MNT: variants seen among roughly 807,000 people sequenced by gnomAD.
MNT encodes the protein MAX network transcriptional repressor.
MNT carries 13 observed loss-of-function variants against 40.7 expected under a neutral mutation model. The observed-to-expected ratio is 0.32, with a 90% CI of 0.21 to 0.51. The LOEUF (loss-of-function observed/expected upper bound fraction) is 0.51, where lower values mean the gene tolerates loss of function less well. MNT is among the 20% of genes least tolerant of loss of function. MNT has a pLI of 0.98. For missense variants in MNT, 757 were observed against 792.0 expected (o/e 0.96, Z 0.53); for synonymous variants, 426 against 354.8 (o/e 1.20, Z -2.26).
At position 2,386,429 on chromosome 17, in the gene MNT, G is replaced by C. The variant is rs2066462282; in HGVS notation, c.*472C>G. ...AATCCGCAGCTTTCTGGGCCAAGTG[G>C]CTTCAGTTCTGCTTTCCCCATTTCC... On this transcript the variant is annotated 3_prime_UTR_variant, in exon 6 of 6. Transcript: ENST00000174618. 1 of 159,660 alleles carries C rather than the reference G, an allele frequency of 6.3e-6. No homozygotes were observed. 9.9% of individuals were successfully genotyped at this position (159,660 alleles called of 1,614,324 possible).
chr17:2,398,818 C>G (rs1326487323), intron 1 of MNT, among the ~76,000 whole-genome samples: 1 of 152,212 alleles, frequency 6.6e-6, no homozygotes, highest in African/African-American at 2.4e-5. Context: ...TCTCCACTGC[C>G]AGACCCTGCT....
chr17:2,387,254 G>A lies in MNT; in HGVS notation c.1396C>T (p.His466Tyr). The A allele has an allele frequency of 1.2e-6, 2 of 1,612,990 alleles. No homozygotes were observed. The highest frequency in any genetic ancestry group is 1.7e-6 in the Non-Finnish European group (2 of 1,179,618). Residue 466 changes from histidine to tyrosine, a missense_variant, in exon 6 of 6, where the codon CAC becomes TAC. By Grantham distance (83) the His-to-Tyr change is moderately conservative. Around this residue, in one of 4 missense-constraint regions of MNT, gnomAD observed 345 missense variants for 380.1 expected, o/e 0.91. Transcript: ENST00000174618. ...GCCGAGGGGGCGATGTGGGCGATGT[G>A]CTTGCCGCCTGGCCCCTGCAGAACG... is the stretch of plus-strand genomic sequence containing the variant. ...NHVLQGPGGK[H>Y]IAHIAPSAPS...
chr17:2,389,993 G>A (rs977015148), intron 4 of MNT: 1 of 151,868 alleles, frequency 6.6e-6, no homozygotes, highest in Non-Finnish European at 1.5e-5. Context: ...AGCCCCATCT[G>A]CCTGGGCAGT....
In MNT at chr17:2,388,040, T is replaced by C; in HGVS notation, c.817A>G (p.Arg273Gly). ...TALRYIQSLK[R>G]KEKEYEHEME... Reference sequence around the variant, plus strand: ...TCATGCTCATATTCCTTCTCCTTCCTCTTCAGGGACTGGCACACAGAGTAA... The same window carrying C: ...TCATGCTCATATTCCTTCTCCTTCCCCTTCAGGGACTGGCACACAGAGTAA... The change falls in exon 5 of 6, where the codon AGG becomes GGG. Residue 273 changes from arginine to glycine, a missense_variant. Physicochemically the swap from Arg to Gly is moderately radical, Grantham distance 125 (BLOSUM62 -2). Coordinates refer to ENST00000174618, the MANE Select transcript of MNT (RefSeq NM_020310.3). 1 of 1,557,820 alleles carries C rather than the reference T, an allele frequency of 6.4e-7. No homozygotes were observed. Among genetic ancestry groups the C allele is most frequent in the Non-Finnish European group, 8.7e-7 (1 of 1,149,462 alleles).
At chr17:2,400,001 G>A (rs2066603493) in intron 1 of MNT, among the ~76,000 whole-genome samples, 1 of 152,210 alleles carries the variant, frequency 6.6e-6, no homozygotes, top group Non-Finnish European at 1.5e-5. Flanking sequence ...GTCAGGCGGG[G>A]CTGGCCAGGA....
In MNT at chr17:2,387,389, G is replaced by C. The variant is rs1275645370; in HGVS notation, c.1261C>G (p.Gln421Glu). Residue 421 changes from glutamine to glutamate, a missense_variant, in exon 6 of 6, where the codon CAG (glutamine) becomes GAG (glutamate). Gln to Glu is a conservative substitution (Grantham distance 29). Coordinates refer to ENST00000174618, the MANE Select transcript of MNT (RefSeq NM_020310.3). ...TGGGCTGGAGCTGGCACCAGTGTCT[G>C]GGCAGGGGCAGCCGGTGGGGGAGGA... is the stretch of plus-strand genomic sequence containing the variant. ...APPPPPAAPAQTLVPAPAHLV... is the reference protein window; with the variant it reads ...APPPPPAAPAETLVPAPAHLV... The C allele has an allele frequency of 6.2e-7, 1 of 1,611,592 alleles. No homozygotes were observed. Among genetic ancestry groups the C allele is most frequent in the Non-Finnish European group, 8.5e-7 (1 of 1,178,968 alleles).
At chr17:2,392,908 G>GA (rs1555611686) in intron 4 of MNT, 1 of 152,280 alleles carries the variant, frequency 6.6e-6, no homozygotes, top group Non-Finnish European at 1.5e-5. Context: ...GGAGAGAGCT[G>GA]CCCCCCTGGA....
At chr17:2,390,592 C>T (rs1273136498) in intron 4 of MNT, 3 of 152,220 alleles carry the variant, frequency 2.0e-5, no homozygotes, top group African/African-American at 2.4e-5. Flanking sequence ...CCCGCCCTCC[C>T]TCTCCATGGA....
chr17:2,400,699 G>A lies in MNT; in HGVS notation c.14C>T (p.Thr5Met). 6.3e-7 allele frequency: 1 copy of A among 1,577,490 alleles called. No homozygotes were observed. Among genetic ancestry groups the A allele is most frequent in the African/African-American group, 1.4e-5 (1 of 70,994 alleles). Reference protein sequence around the residue: MSIETLLEAARFLEW... With the variant: MSIEMLLEAARFLEW... ...CAGGAAGCGGGCCGCCTCCAGTAGC[G>A]TCTCTATGCTCATCGCGCCGAGAGC... The change falls in exon 1 of 6, where the codon ACG (threonine) becomes ATG (methionine). Residue 5 changes from threonine to methionine, a missense_variant. This residue lies in a region of MNT where 335 missense variants were observed against 291.4 expected (regional missense o/e 1.15). Coordinates refer to ENST00000174618, the MANE Select transcript of MNT (RefSeq NM_020310.3).
chr17:2,397,105 C>T (rs529371946), intron 1 of MNT, among the ~76,000 whole-genome samples: 13 of 152,258 alleles, frequency 8.5e-5, no homozygotes, highest in South Asian at 6.2e-4. Flanking sequence ...TCCCAGCAGC[C>T]GGAGTTCAGG....
In MNT at chr17:2,394,277, GCACACACACACA is replaced by G. The variant is rs35367394; in HGVS notation, c.695+16_695+27del. The G allele has an allele frequency of 2.4e-5, 35 of 1,489,244 alleles. No homozygotes were observed. The Admixed American group carries it at 2.8e-4, about 12-fold the overall frequency. 92.3% of individuals were successfully genotyped at this position (1,489,244 alleles called of 1,614,324 possible). A position where few individuals can be genotyped will look rare whatever the true frequency, so the allele number is the denominator to read the frequency against. On this transcript the variant is annotated intron_variant, in intron 3 of 5. Transcript: ENST00000174618. ...CCGGGTCGCGCGCGCACGCACGCAC[GCACACACACACA>G]CACACACACACACACCTGTTCTTCT... is the stretch of plus-strand genomic sequence containing the variant.
intron 4 of MNT, 80 bp from the exon 5 acceptor site, chr17:2,388,129 C>T: frequency 4.4e-6 from 6 of 1,376,244 alleles, no homozygotes; most frequent in Non-Finnish European, 5.9e-6. Context: ...CTCTCCCTAT[C>T]AGCTGGCCCA....
In MNT at chr17:2,395,349, A is replaced by G; in HGVS notation, c.179T>C (p.Met60Thr). 6.2e-7 allele frequency: 1 copy of G among 1,612,818 alleles called. No homozygotes were observed. Among genetic ancestry groups the G allele is most frequent in the Non-Finnish European group, 8.5e-7 (1 of 1,179,698 alleles). The change falls in exon 2 of 6, where the codon ATG (methionine) becomes ACG (threonine). Residue 60 changes from methionine to threonine, a missense_variant. This residue lies in a region of MNT where 335 missense variants were observed against 291.4 expected (regional missense o/e 1.15). Coordinates refer to ENST00000174618, the MANE Select transcript of MNT (RefSeq NM_020310.3). ...AHTLPVEEPR[M>T]EAPPLPLSPP... Reference sequence around the variant, plus strand: ...AGACAGAGGCAGGGGTGGCGCCTCCATGCGGGGTTCCTCCACAGGAAGGGT... The same window carrying G: ...AGACAGAGGCAGGGGTGGCGCCTCCGTGCGGGGTTCCTCCACAGGAAGGGT...
intron 4 of MNT, among the ~76,000 whole-genome samples, chr17:2,388,593 CGCCT>C (rs2066487975): frequency 6.6e-6 from 1 of 152,062 alleles, no homozygotes; most frequent in Non-Finnish European, 1.5e-5. Flanking sequence ...CCACTGTGCC[CGCCT>C]GTGACGCTTC....
intron 4 of MNT, among the ~76,000 whole-genome samples, chr17:2,392,489 G>A (rs2066526282): frequency 6.6e-6 from 1 of 152,206 alleles, no homozygotes; most frequent in South Asian, 2.1e-4. Context: ...TCGCCATGCC[G>A]TCCTTCCTAT....
chr17:2,397,541 AT>A (rs2066586274), intron 1 of MNT, among the ~76,000 whole-genome samples: 1 of 152,048 alleles, frequency 6.6e-6, no homozygotes, highest in Non-Finnish European at 1.5e-5. Flanking sequence ...CCCATTCCCC[AT>A]ATTTTAAAGC....
chr17:2,397,180 C>T (rs2066584122), intron 1 of MNT, among the ~76,000 whole-genome samples: 3 of 152,184 alleles, frequency 2.0e-5, no homozygotes, highest in Admixed American at 2.0e-4. Flanking sequence ...CGATGCCAGG[C>T]CGGTGCAGGC....
intron 1 of MNT, among the ~76,000 whole-genome samples, chr17:2,398,854 G>T (rs914636497): frequency 6.6e-6 from 1 of 152,130 alleles, no homozygotes; most frequent in Middle Eastern, 3.2e-3. Flanking sequence ...AACAGCCGGG[G>T]AGTGTGGGCG....
Position 2,387,203 on chromosome 17 carries a change from G to C in MNT, c.1447C>G (p.Pro483Ala). 1 of 1,608,360 alleles carries C rather than the reference G, an allele frequency of 6.2e-7. No homozygotes were observed. The highest frequency in any genetic ancestry group is 8.5e-7 in the Non-Finnish European group (1 of 1,178,166). The change falls in exon 6 of 6, where the codon CCT (proline) becomes GCT (alanine). Residue 483 changes from proline (P) to alanine (A), a missense_variant. Physicochemically the swap from Pro to Ala is conservative, Grantham distance 27. Around this residue, in one of 4 missense-constraint regions of MNT, gnomAD observed 345 missense variants for 380.1 expected, o/e 0.91. Transcript: ENST00000174618. Reference protein sequence around the residue: ...SAPSPAVQLAPATPPIGHITV... With the variant: ...SAPSPAVQLAAATPPIGHITV... ...ATGTGCCCAATGGGGGGTGTGGCAG[G>C]CGCCAGTTGCACCGCAGGGCTGGGG...
Sources: allele counts gnomAD v4.1 joint callset (sites outside exome capture counted in the v4.1 genomes callset), GRCh38; gene constraint gnomAD v4.1.1; regional missense constraint gnomAD v4.1.1; transcripts MANE v1.5; gene names NCBI Gene and HGNC (gene_info 2026-07-23, HGNC 2026-07-21).